The following MAML3 variants were observed in gnomAD, a reference collection of about 807,000 sequenced individuals.
MAML3 encodes mastermind like transcriptional coactivator 3, also known as mastermind-like protein 3.
Under a neutral mutation model 101.9 loss-of-function variants are expected in MAML3, and 27 were observed. The observed-to-expected ratio is 0.27, with a 90% confidence interval of 0.20 to 0.37. The LOEUF is 0.37. MAML3 is among the 10% of genes least tolerant of loss of function. MAML3 has a pLI of 1.00. For synonymous variants in MAML3, 501 were observed against 555.9 expected, an observed-to-expected ratio of 0.90 and a Z score of 1.39; for missense variants, 1,316 against 1,444.9, an observed-to-expected ratio of 0.91 and a Z score of 1.45.
chr4:140,092,191 C>T (rs539199287), intron 1 of MAML3, among the ~76,000 whole-genome samples: 2 of 149,400 alleles, frequency 1.3e-5, no homozygotes, highest in South Asian at 4.3e-4. Context: ...CTTAATTTAA[C>T]TCCTTGCTTT....
chr4:139,809,987 G>A lies in MAML3; in HGVS notation c.2080-79320C>T, dbSNP rs187045157. 3.3e-5 allele frequency among the ~76,000 whole-genome samples: 5 copies of A among 152,076 alleles called. No homozygotes were observed. In the East Asian group the frequency reaches 7.7e-4, roughly 24 times the overall value. ...AACCTCTCAAGGGATCAAGAGAAGA[G>A]TTTAGTAAAGAGAGGTTGTGGGTGG... On this transcript the variant is annotated intron_variant, in intron 2 of 4. Transcript: ENST00000509479.
At chr4:140,004,566 A>T (rs914103980) in intron 1 of MAML3, among the ~76,000 whole-genome samples, 11 of 152,162 alleles carry the variant, frequency 7.2e-5, no homozygotes, top group African/African-American at 2.7e-4. Flanking sequence ...AGTAGTGAGG[A>T]GAGAAAGAAA....
chr4:139,755,216 ACT>A (rs746664640), intron 2 of MAML3, among the ~76,000 whole-genome samples: 22 of 152,230 alleles, frequency 1.4e-4, no homozygotes, highest in Non-Finnish European at 1.9e-4. Flanking sequence ...GCACCTGTAG[ACT>A]CTGGGAGTGA....
At chr4:140,047,265 G>A (rs540569938) in intron 1 of MAML3, among the ~76,000 whole-genome samples, 14 of 152,216 alleles carry the variant, frequency 9.2e-5, no homozygotes, top group East Asian at 5.8e-4. Context: ...GTGCAGATTT[G>A]GGGGGAACGC....
intron 2 of MAML3, among the ~76,000 whole-genome samples, chr4:139,745,467 G>T (rs116026036): frequency 5.2e-4 from 79 of 152,298 alleles, no homozygotes; most frequent in African/African-American, 1.7e-3. Context: ...GTGAGGGGAA[G>T]CTGGCTGAGA....
chr4:140,137,738 C>G (rs915908296), intron 1 of MAML3, among the ~76,000 whole-genome samples: 12 of 152,294 alleles, frequency 7.9e-5, no homozygotes, highest in Admixed American at 4.6e-4. Context: ...ATGGTGGTCC[C>G]CACCCCCAGA....
chr4:140,042,347 C>T (rs988924081), intron 1 of MAML3, among the ~76,000 whole-genome samples: 3 of 152,156 alleles, frequency 2.0e-5, no homozygotes, highest in Admixed American at 1.3e-4. Flanking sequence ...CCCCTAAACA[C>T]ACCCCACTCT....
At chr4:140,132,961 T>A in intron 1 of MAML3, 5 of 323,186 alleles carry the variant, frequency 1.5e-5, no homozygotes, top group South Asian at 1.3e-4. Flanking sequence ...CACTCTTTGA[T>A]AAGAGTTTAT....
intron 2 of MAML3, among the ~76,000 whole-genome samples, chr4:139,845,603 G>A (rs1560812009): frequency 6.6e-6 from 1 of 152,116 alleles, no homozygotes; most frequent in South Asian, 2.1e-4. Context: ...AGACAAAGCA[G>A]GAACCTACTT....
At chr4:139,782,565 C>A (rs1175339791) in intron 2 of MAML3, among the ~76,000 whole-genome samples, 3 of 152,194 alleles carry the variant, frequency 2.0e-5, no homozygotes, top group Non-Finnish European at 4.4e-5. Flanking sequence ...AGAAAAGTGG[C>A]TTTCCCCACT....
At chr4:139,781,507 T>TTATATATATATATATATATATATA (rs1245401496) in intron 2 of MAML3, among the ~76,000 whole-genome samples, 2 of 104,336 alleles carry the variant, frequency 1.9e-5, no homozygotes, top group South Asian at 2.9e-4. Flanking sequence ...CAGAGCATTT[T>TTATATATATATATATATATATATA]CATATATATA....
chr4:139,882,759 G>T (rs1184671028), intron 2 of MAML3, among the ~76,000 whole-genome samples: 1 of 152,158 alleles, frequency 6.6e-6, no homozygotes, highest in Non-Finnish European at 1.5e-5. Context: ...TGAGGCAGGA[G>T]AATCACTTGA....
At position 140,092,120 on chromosome 4, in the gene MAML3, G is replaced by A. The variant is rs1034109333; in HGVS notation, c.468+60740C>T. Among the ~76,000 whole-genome samples, 46 of 134,152 alleles carry A rather than the reference G, an allele frequency of 3.4e-4. 1 individual carries two copies. The highest frequency in any genetic ancestry group is 2.1e-3 in the Admixed American group (28 of 13,394). 88.0% of individuals were successfully genotyped at this position (134,152 alleles called of 152,430 possible). Reference sequence around the variant, plus strand: ...TATATATACGTATATATATATATACGTATATATATATAATATCAGAGGGTT... The same window carrying A: ...TATATATACGTATATATATATATACATATATATATATAATATCAGAGGGTT... On this transcript the variant is annotated intron_variant, in intron 1 of 4. Transcript: ENST00000509479.
At chr4:139,757,642 C>CAA (rs10583574) in intron 2 of MAML3, among the ~76,000 whole-genome samples, 10,821 of 104,334 alleles carry the variant, frequency 0.1, 485 homozygotes, top group African/African-American at 0.14. Context: ...GGCTCCATTT[C>CAA]AAAAAAAAAA....
chr4:139,767,054 T>A (rs1038861504), intron 2 of MAML3, among the ~76,000 whole-genome samples: 1 of 152,256 alleles, frequency 6.6e-6, no homozygotes, highest in Non-Finnish European at 1.5e-5. Flanking sequence ...ATTATGTCAA[T>A]GTGATTACTC....
At chr4:139,741,872 A>T (rs1456481519) in intron 2 of MAML3, among the ~76,000 whole-genome samples, 1 of 152,222 alleles carries the variant, frequency 6.6e-6, no homozygotes, top group Non-Finnish European at 1.5e-5. Context: ...TTTAAAATAA[A>T]AACATTGCAT....
chr4:140,071,407 C>G lies in MAML3; in HGVS notation c.468+81453G>C, dbSNP rs1051072173. Among the ~76,000 whole-genome samples, 3 of 152,148 alleles carry G rather than the reference C, an allele frequency of 2.0e-5. No individual in the cohort carries two copies. In the South Asian group the frequency reaches 6.2e-4, roughly 32 times the overall value. ...CATCCAGGCACAGATACTTGCCCAG[C>G]TTTTTAATTTTACAGCTTTTACACT... is the stretch of plus-strand genomic sequence containing the variant. On this transcript the variant is annotated intron_variant, in intron 1 of 4. Transcript: ENST00000509479.
chr4:139,856,287 A>T (rs1230403602), intron 2 of MAML3, among the ~76,000 whole-genome samples: 2 of 152,220 alleles, frequency 1.3e-5, no homozygotes, highest in Non-Finnish European at 2.9e-5. Flanking sequence ...ATTCTTAAGC[A>T]ATAAGATGAA....
chr4:140,036,654 C>A (rs1045028837), intron 1 of MAML3, among the ~76,000 whole-genome samples: 1 of 152,222 alleles, frequency 6.6e-6, no homozygotes, highest in Non-Finnish European at 1.5e-5. Context: ...TCTACCTCAA[C>A]CACGGCCAAT....
Sources: allele counts gnomAD v4.1 joint callset (sites outside exome capture counted in the v4.1 genomes callset), GRCh38; gene constraint gnomAD v4.1.1; transcripts MANE v1.5; gene names NCBI Gene and HGNC (gene_info 2026-07-23, HGNC 2026-07-21).